The following SPIDR variants were observed in gnomAD, a reference collection of about 807,000 sequenced individuals.
SPIDR encodes the protein scaffold protein involved in DNA repair.
In SPIDR, 93 loss-of-function variants were observed where a neutral mutation model predicts 104.6. The ratio of observed to expected loss-of-function variants is 0.89; its 90% CI spans 0.75 to 1.06. The LOEUF (loss-of-function observed/expected upper bound fraction) is 1.06, where lower values mean the gene tolerates loss of function less well. Among genes scored for constraint, SPIDR ranks in the 50% least tolerant of loss-of-function variants. The pLI is 0.00. For synonymous variants in SPIDR, 431 were observed against 416.9 expected (o/e 1.03, Z -0.41); for missense variants, 1,154 against 1,111.2 (o/e 1.04, Z -0.55).
intron 1 of SPIDR, among the ~76,000 whole-genome samples, chr8:47,270,194 A>G (rs1486483369): frequency 6.6e-6 from 1 of 152,112 alleles, no homozygotes; most frequent in African/African-American, 2.4e-5. Flanking sequence ...GTATTTTGGA[A>G]GAGTTTGTGA....
chr8:47,528,213 G>T (rs1306765742), intron 8 of SPIDR: 1 of 152,154 alleles, frequency 6.6e-6, no homozygotes, highest in African/African-American at 2.4e-5. Flanking sequence ...TTGCAAAAAA[G>T]AAGTGAGAAA....
intron 6 of SPIDR, among the ~76,000 whole-genome samples, chr8:47,401,174 G>A (rs2061835188): frequency 6.6e-6 from 1 of 152,158 alleles, no homozygotes; most frequent in Non-Finnish European, 1.5e-5. Flanking sequence ...AGAGTGGGGG[G>A]CCAATATTCA....
chr8:47,630,832 T>G (rs1464001854), intron 10 of SPIDR, among the ~76,000 whole-genome samples: 1 of 152,146 alleles, frequency 6.6e-6, no homozygotes, highest in African/African-American at 2.4e-5. Context: ...ACGTTCCTGG[T>G]TCTTGTTCAC....
chr8:47,376,254 C>T (rs781919316), intron 5 of SPIDR, among the ~76,000 whole-genome samples: 14 of 152,152 alleles, frequency 9.2e-5, no homozygotes, highest in Non-Finnish European at 1.6e-4. Context: ...TGTGAGCAGC[C>T]TTTTGAAGTT....
At chr8:47,552,311 A>G (rs1167784926) in intron 8 of SPIDR, among the ~76,000 whole-genome samples, 1 of 152,186 alleles carries the variant, frequency 6.6e-6, no homozygotes, top group Non-Finnish European at 1.5e-5. Flanking sequence ...GCTGAGTTCA[A>G]GACCTGGATA....
chr8:47,672,828 C>G (rs2075967793), intron 10 of SPIDR, among the ~76,000 whole-genome samples: 1 of 152,204 alleles, frequency 6.6e-6, no homozygotes, highest in African/African-American at 2.4e-5. Context: ...CCATGGTGAA[C>G]TAGCAATCCA....
At chr8:47,278,041 T>C (rs952435822) in intron 1 of SPIDR, among the ~76,000 whole-genome samples, 5 of 152,018 alleles carry the variant, frequency 3.3e-5, no homozygotes, top group African/African-American at 1.2e-4. Flanking sequence ...CCACCAGCCA[T>C]GCACAAAAGT....
intron 11 of SPIDR, among the ~76,000 whole-genome samples, chr8:47,686,048 G>T (rs2077769005): frequency 6.6e-6 from 1 of 152,126 alleles, no homozygotes; most frequent in Non-Finnish European, 1.5e-5. Flanking sequence ...AAGGGAAGGG[G>T]AAGGGGAAGC....
At chr8:47,646,404 C>T (rs1421981882) in intron 10 of SPIDR, among the ~76,000 whole-genome samples, 1 of 152,136 alleles carries the variant, frequency 6.6e-6, no homozygotes, top group Non-Finnish European at 1.5e-5. Flanking sequence ...CTCTTTGACC[C>T]AGCACTTCTA....
At chr8:47,524,729 G>A (rs1485153010) in intron 8 of SPIDR, among the ~76,000 whole-genome samples, 1 of 152,210 alleles carries the variant, frequency 6.6e-6, no homozygotes. Context: ...AGTTGCTACT[G>A]CATGATGTCA....
chr8:47,333,699 T>G (rs1554606283), intron 5 of SPIDR, among the ~76,000 whole-genome samples: 1 of 152,214 alleles, frequency 6.6e-6, no homozygotes. Context: ...TTATATGTGC[T>G]ATAGTTTTAT....
chr8:47,566,751 G>A (rs1347720800), intron 8 of SPIDR, among the ~76,000 whole-genome samples: 2 of 151,442 alleles, frequency 1.3e-5, no homozygotes, highest in African/African-American at 4.9e-5. Context: ...ACAACATTAG[G>A]CACCGAGAAG....
At chr8:47,322,798 T>C (rs1315196918) in intron 5 of SPIDR, among the ~76,000 whole-genome samples, 2 of 152,088 alleles carry the variant, frequency 1.3e-5, no homozygotes, top group African/African-American at 4.8e-5. Context: ...GGGACATGGA[T>C]GAAGGTGGAA....
intron 4 of SPIDR, among the ~76,000 whole-genome samples, chr8:47,293,191 A>T (rs2040242921): frequency 6.7e-6 from 1 of 150,214 alleles, no homozygotes; most frequent in Non-Finnish European, 1.5e-5. Flanking sequence ...AGTGCAGTGG[A>T]TCATAGCTCA....
intron 5 of SPIDR, among the ~76,000 whole-genome samples, chr8:47,295,450 C>G (rs952654465): frequency 1.3e-5 from 2 of 152,148 alleles, no homozygotes; most frequent in African/African-American, 2.4e-5. Context: ...AGCATCTTCC[C>G]TTTCTCCATC....
chr8:47,275,309 A>G (rs1341147328), intron 1 of SPIDR, among the ~76,000 whole-genome samples: 5 of 152,048 alleles, frequency 3.3e-5, no homozygotes, highest in Non-Finnish European at 7.4e-5. Context: ...AAAACCTATA[A>G]TCAGCATAAC....
At chr8:47,455,402 AACAC>A (rs374471524) in intron 8 of SPIDR, among the ~76,000 whole-genome samples, 3 of 151,996 alleles carry the variant, frequency 2.0e-5, no homozygotes, top group African/African-American at 2.4e-5. Context: ...ATTAAAATGA[AACAC>A]ACACACAGAC....
intron 10 of SPIDR, among the ~76,000 whole-genome samples, chr8:47,624,370 A>T (rs2065661305): frequency 6.6e-6 from 1 of 152,202 alleles, no homozygotes; most frequent in Admixed American, 6.5e-5. Flanking sequence ...AGCAGAAGGC[A>T]AGAAATAACT....
chr8:47,474,507 C>T lies in SPIDR; in HGVS notation c.1097+33965C>T, dbSNP rs551834704. ...AGGAGTAATTCTGAGTGTTGGTTCT[C>T]TTTCTGGTGGGAGTGACGGGCAGCT... On this transcript the variant is annotated intron_variant, in intron 8 of 19. Coordinates refer to ENST00000297423, the MANE Select transcript of SPIDR (RefSeq NM_001080394.4). Among the ~76,000 whole-genome samples, 9 of 152,304 alleles carry T rather than the reference C, an allele frequency of 5.9e-5. No homozygotes were observed. The East Asian group carries it at 1.7e-3, about 29-fold the overall frequency.
Sources: gnomAD v4.1 joint callset for allele counts (sites outside exome capture counted in the v4.1 genomes callset) on GRCh38, gnomAD v4.1.1 for gene constraint, MANE v1.5 for transcripts, NCBI Gene and HGNC (gene_info 2026-07-23, HGNC 2026-07-21) for gene names.